Variants in RPGRIP1L observed in about 807,000 individuals in gnomAD.
RPGRIP1L encodes RPGRIP1 like.
Under a neutral mutation model 160.4 loss-of-function variants are expected in RPGRIP1L, and 131 were observed. That is an observed-to-expected ratio of 0.82 (90% CI 0.71 to 0.94). The LOEUF is 0.94. RPGRIP1L is among the 40% of genes least tolerant of loss of function. The pLI is 0.00. For synonymous variants in RPGRIP1L, 510 were observed against 515.8 expected (o/e 0.99, Z 0.15); for missense variants, 1,522 against 1,535.8 (o/e 0.99, Z 0.15).
At chr16:53,614,879 T>C (rs1055362664) in intron 24 of RPGRIP1L, among the ~76,000 whole-genome samples, 1 of 152,332 alleles carries the variant, frequency 6.6e-6, no homozygotes, top group East Asian at 1.9e-4. Flanking sequence ...CCAAATACTT[T>C]AGTTGATCTT....
chr16:53,630,942 G>A (rs1462492758), intron 22 of RPGRIP1L, among the ~76,000 whole-genome samples: 3 of 151,916 alleles, frequency 2.0e-5, no homozygotes, highest in Non-Finnish European at 4.4e-5. Context: ...CATGTTGGTT[G>A]GGCTGGTCTA....
rs1598193253 is a variant in RPGRIP1L, at chr16:53,599,284, T to C, written c.*2792A>G. ...GATTAAACATATTCTTTATGTATTTTTAAAAAAACTAATTTAAGTTAAATG... is the reference window on the plus strand; with the variant it reads ...GATTAAACATATTCTTTATGTATTTCTAAAAAAACTAATTTAAGTTAAATG... On this transcript the variant is annotated 3_prime_UTR_variant, in exon 27 of 27. Coordinates refer to ENST00000647211, the MANE Select transcript of RPGRIP1L (RefSeq NM_015272.5). 1 of 152,340 alleles carries C rather than the reference T, an allele frequency of 6.6e-6. No individual in the cohort carries two copies. The highest frequency in any genetic ancestry group is 1.9e-4 in the East Asian group (1 of 5,192). The allele number at this position is 152,340 out of a possible 1,614,324, so 9.4% of individuals were successfully genotyped here. A position where few individuals can be genotyped will look rare whatever the true frequency, so the allele number is the denominator to read the frequency against.
At chr16:53,691,406 G>C (rs909817066) in intron 4 of RPGRIP1L, among the ~76,000 whole-genome samples, 6 of 151,958 alleles carry the variant, frequency 3.9e-5, no homozygotes, top group Admixed American at 6.6e-5. Context: ...TTTGCAACTT[G>C]GGTACATTTT....
intron 25 of RPGRIP1L, among the ~76,000 whole-genome samples, chr16:53,606,999 A>G (rs1290019975): frequency 6.6e-6 from 1 of 152,236 alleles, no homozygotes; most frequent in African/African-American, 2.4e-5. Context: ...TAAAGAGTAC[A>G]GATCTTGGCC....
chr16:53,609,668 G>A (rs1157970261), intron 25 of RPGRIP1L, among the ~76,000 whole-genome samples: 1 of 152,064 alleles, frequency 6.6e-6, no homozygotes, highest in Non-Finnish European at 1.5e-5. Flanking sequence ...CTTGCTGACT[G>A]GAGGGAAGCA....
rs917696159 is a variant in RPGRIP1L, at chr16:53,687,869, C to T, written c.626G>A (p.Arg209Lys). 15 of 1,593,158 alleles carry T rather than the reference C, an allele frequency of 9.4e-6. No homozygotes were observed. Among genetic ancestry groups the T allele is most frequent in the African/African-American group, 2.7e-5 (2 of 74,328 alleles). The change falls in exon 5 of 27, where the codon AGA becomes AAA. Residue 209 changes from arginine (R) to lysine (K), a missense_variant. Transcript: ENST00000647211. ...CACAAAAAAGAACACATACAAATTT[C>T]TTATTTCTCCTCTGGCTTCTTCAAG... ...SLLEEARGEIRNLENVIQSQR... is the reference protein window; with the variant it reads ...SLLEEARGEIKNLENVIQSQR...
chr16:53,702,847 G>C (rs533516498), intron 1 of RPGRIP1L, among the ~76,000 whole-genome samples: 1 of 152,108 alleles, frequency 6.6e-6, no homozygotes, highest in East Asian at 1.9e-4. Context: ...GCCTCTATCT[G>C]AAGTTATCAG....
At chr16:53,663,596 G>A (rs1005782713) in intron 10 of RPGRIP1L, among the ~76,000 whole-genome samples, 1 of 151,958 alleles carries the variant, frequency 6.6e-6, no homozygotes, top group African/African-American at 2.4e-5. Flanking sequence ...ATTTGATACT[G>A]CACGTTAAAA....
intron 6 of RPGRIP1L, among the ~76,000 whole-genome samples, chr16:53,679,723 T>C (rs543429834): frequency 2.4e-4 from 37 of 152,352 alleles, no homozygotes; most frequent in African/African-American, 8.9e-4. Flanking sequence ...ATTTAACAAT[T>C]AGCAGAAGGA....
rs937736736 is a variant in RPGRIP1L, at chr16:53,600,641, T to C, written c.*1435A>G. On this transcript the variant is annotated 3_prime_UTR_variant, in exon 27 of 27. Coordinates refer to ENST00000647211, the MANE Select transcript of RPGRIP1L (RefSeq NM_015272.5). ...TAGAGCACAGATGGTTCAAACTATA[T>C]GCAGATATTCATACTTGCATTTTTG... 2.0e-5 allele frequency: 3 copies of C among 152,668 alleles called. No individual in the cohort carries two copies. The highest frequency in any genetic ancestry group is 4.4e-5 in the Non-Finnish European group (3 of 68,032). The allele number at this position is 152,668 out of a possible 1,614,324, so 9.5% of individuals were successfully genotyped here.
rs373114162 is a variant in RPGRIP1L at position 53,687,780 on chromosome 16, T to A, written c.632+83A>T. The A allele has an allele frequency of 1.2e-4, 100 of 847,892 alleles. 2 individuals carry two copies. Among genetic ancestry groups the A allele is most frequent in the African/African-American group, 4.5e-4 (27 of 59,714 alleles). 52.5% of individuals were successfully genotyped at this position (847,892 alleles called of 1,614,324 possible). A position where few individuals can be genotyped will look rare whatever the true frequency, so the allele number is the denominator to read the frequency against. ...TTCAGTGGAGCAAACTGTTTACATA[T>A]AAATAAAGGAAAGGGAAGGATAAAA... On this transcript the variant is annotated intron_variant, in intron 5 of 26. Transcript: ENST00000647211.
At chr16:53,671,473 A>T (rs778340861) in intron 9 of RPGRIP1L, 37 bp downstream of exon 9, 1 of 1,334,282 alleles carries the variant, frequency 7.5e-7, no homozygotes, top group South Asian at 1.2e-5. Flanking sequence ...AAGAGCTCAA[A>T]CAAGACAATG....
intron 13 of RPGRIP1L, among the ~76,000 whole-genome samples, chr16:53,656,795 T>C (rs2151152085): frequency 6.6e-6 from 1 of 152,296 alleles, no homozygotes; most frequent in Non-Finnish European, 1.5e-5. Flanking sequence ...CCAGATTCCC[T>C]TTTATGGAGA....
chr16:53,631,542 T>G (rs1965519480), intron 22 of RPGRIP1L, among the ~76,000 whole-genome samples: 1 of 152,180 alleles, frequency 6.6e-6, no homozygotes, highest in African/African-American at 2.4e-5. Flanking sequence ...AAAGATGGAT[T>G]GTTAATTTTT....
At chr16:53,698,295 G>C (rs1161189841) in intron 2 of RPGRIP1L, among the ~76,000 whole-genome samples, 1 of 148,886 alleles carries the variant, frequency 6.7e-6, no homozygotes, top group East Asian at 2.0e-4. Context: ...CGCCAGGCCA[G>C]CCGCCCCGTC....
At chr16:53,613,288 T>C (rs1250695137) in intron 24 of RPGRIP1L, among the ~76,000 whole-genome samples, 1 of 152,012 alleles carries the variant, frequency 6.6e-6, no homozygotes, top group East Asian at 1.9e-4. Context: ...TGCTAGACCA[T>C]ACGGGTCATT....
chr16:53,702,201 A>C (rs1670883014), intron 1 of RPGRIP1L, among the ~76,000 whole-genome samples: 1 of 152,198 alleles, frequency 6.6e-6, no homozygotes, highest in Admixed American at 6.5e-5. Context: ...TACTCAAATG[A>C]TTCCTGCTTT....
chr16:53,608,809 T>C lies in RPGRIP1L; in HGVS notation c.3701+2158A>G, dbSNP rs562654281. On this transcript the variant is annotated intron_variant, in intron 25 of 26. Coordinates refer to ENST00000647211, the MANE Select transcript of RPGRIP1L (RefSeq NM_015272.5). ...GTGAGAACATTTGCTGGAATAACAA[T>C]TGGCTTTTGGCTGTGGAAAAACATA... 2.6e-5 allele frequency among the ~76,000 whole-genome samples: 4 copies of C among 152,212 alleles called. No homozygotes were observed. The East Asian group carries it at 7.7e-4, about 29-fold the overall frequency.
intron 3 of RPGRIP1L, among the ~76,000 whole-genome samples, chr16:53,692,687 C>T (rs1038444298): frequency 1.3e-5 from 2 of 152,222 alleles, no homozygotes; most frequent in African/African-American, 4.8e-5. Flanking sequence ...GCTGTACGCA[C>T]TTAAGTGTAG....
Sources: gnomAD v4.1 joint callset for allele counts (sites outside exome capture counted in the v4.1 genomes callset) on GRCh38, gnomAD v4.1.1 for gene constraint, MANE v1.5 for transcripts, NCBI Gene and HGNC (gene_info 2026-07-23, HGNC 2026-07-21) for gene names.